The following C1GALT1 variants were observed in gnomAD, a reference collection of about 807,000 sequenced individuals.
C1GALT1 encodes the protein glycoprotein-N-acetylgalactosamine 3-beta-galactosyltransferase 1.
C1GALT1 carries 11 observed loss-of-function variants against 31.0 expected under a neutral mutation model. The observed-to-expected ratio is 0.36, with a 90% CI of 0.22 to 0.59. The LOEUF is 0.59. Ranked by LOEUF, C1GALT1 falls within the 20% of genes least tolerant of loss-of-function variation. The pLI is 0.79. For missense variants in C1GALT1, 424 were observed against 425.2 expected, an observed-to-expected ratio of 1.00 and a Z score of 0.03; for synonymous variants, 175 against 143.6, an observed-to-expected ratio of 1.22 and a Z score of -1.56.
At chr7:7,158,800 A>G (rs1350088752) in intron 2 of C1GALT1, among the ~76,000 whole-genome samples, 1 of 152,058 alleles carries the variant, frequency 6.6e-6, no homozygotes, top group Non-Finnish European at 1.5e-5. Context: ...CCTACTTGTA[A>G]TTAGATAACA....
chr7:7,234,370 A>G lies in C1GALT1; in HGVS notation c.51A>G (p.Ala17=). ...TTTTAACCTTCCTCTGTGGATCAGC[A>G]ATAGGATTTCTTTTATGTTCTCAGC... is the stretch of plus-strand genomic sequence containing the variant. ...LNFLTFLCGS[A]IGFLLCSQLF... The change falls in exon 2 of 4, where the codon GCA becomes GCG. Residue 17 remains alanine, a synonymous_variant. Transcript: ENST00000436587. The G allele has an allele frequency of 6.2e-7, 1 of 1,613,980 alleles. No individual in the cohort carries two copies. Among genetic ancestry groups the G allele is most frequent in the Non-Finnish European group, 8.5e-7 (1 of 1,179,946 alleles).
At chr7:7,171,269 T>C (rs1364934477) in intron 2 of C1GALT1, among the ~76,000 whole-genome samples, 2 of 152,138 alleles carry the variant, frequency 1.3e-5, no homozygotes, top group African/African-American at 4.8e-5. Context: ...GCTTGAAACA[T>C]TTTGGGTCTC....
chr7:7,157,772 A>G (rs1780288783), intron 2 of C1GALT1, among the ~76,000 whole-genome samples: 1 of 152,152 alleles, frequency 6.6e-6, no homozygotes, highest in African/African-American at 2.4e-5. Flanking sequence ...TTCAAATTTC[A>G]GTTTCTTCAT....
chr7:7,241,340 T>A (rs1783619621), intron 3 of C1GALT1, among the ~76,000 whole-genome samples: 1 of 152,018 alleles, frequency 6.6e-6, no homozygotes, highest in African/African-American at 2.4e-5. Context: ...TATAGTAGGA[T>A]CTAAATCTGG....
rs1780637044 is a variant in C1GALT1, at chr7:7,182,705, G to C, written c.-133G>C. On this transcript the variant is annotated 5_prime_UTR_variant, in exon 1 of 4. Transcript: ENST00000436587. ...AATCTGGGCGGCAGCGGGCGGCCTCGGCTAGCGGCCACGAGCCACTTCTGC... is the reference window on the plus strand; with the variant it reads ...AATCTGGGCGGCAGCGGGCGGCCTCCGCTAGCGGCCACGAGCCACTTCTGC... 2 of 735,048 alleles carry C rather than the reference G, an allele frequency of 2.7e-6. No homozygotes were observed. Among genetic ancestry groups the C allele is most frequent in the Non-Finnish European group, 3.3e-6 (2 of 601,136 alleles). 45.5% of individuals were successfully genotyped at this position (735,048 alleles called of 1,614,324 possible).
intron 1 of C1GALT1, among the ~76,000 whole-genome samples, chr7:7,232,654 T>G (rs1440564454): frequency 6.6e-6 from 1 of 152,138 alleles, no homozygotes; most frequent in Non-Finnish European, 1.5e-5. Context: ...AACGCCTGGC[T>G]AATTTTTGTA....
chr7:7,230,557 A>G (rs547042339), intron 1 of C1GALT1, among the ~76,000 whole-genome samples: 8 of 146,588 alleles, frequency 5.5e-5, no homozygotes, highest in African/African-American at 1.7e-4. Flanking sequence ...AATCATTGAT[A>G]TGTTTGGTTC....
At chr7:7,223,010 G>C (rs978299228) in intron 1 of C1GALT1, among the ~76,000 whole-genome samples, 3 of 151,974 alleles carry the variant, frequency 2.0e-5, no homozygotes, top group African/African-American at 7.3e-5. Context: ...CTTCTTACAA[G>C]CACATTCTCT....
chr7:7,236,071 C>T (rs1213992295), intron 2 of C1GALT1, among the ~76,000 whole-genome samples: 4 of 152,130 alleles, frequency 2.6e-5, no homozygotes, highest in Non-Finnish European at 5.9e-5. Flanking sequence ...ATCTACTGCT[C>T]TGTAGGATTT....
intron 1 of C1GALT1, among the ~76,000 whole-genome samples, chr7:7,212,347 A>G (rs1348479053): frequency 1.3e-5 from 2 of 152,190 alleles, no homozygotes; most frequent in Non-Finnish European, 2.9e-5. Flanking sequence ...GATTCCTTAA[A>G]GGGAAACACA....
chr7:7,241,040 T>C (rs1349102471), intron 3 of C1GALT1, among the ~76,000 whole-genome samples: 3 of 152,044 alleles, frequency 2.0e-5, no homozygotes, highest in African/African-American at 7.2e-5. Context: ...AATAGACTTT[T>C]CACCAGAGAA....
chr7:7,162,982 T>C (rs992773027), intron 2 of C1GALT1, among the ~76,000 whole-genome samples: 1 of 152,202 alleles, frequency 6.6e-6, no homozygotes, highest in Non-Finnish European at 1.5e-5. Context: ...TTCTTGTAAA[T>C]TTGTTTGAGT....
chr7:7,244,945 G>A lies in C1GALT1; in HGVS notation c.*1218G>A, dbSNP rs1331882420. Reference sequence around the variant, plus strand: ...ATTTTGGGATAATTGTTTTGCTAATGGATAATTCTAACAATGCAGAATACC... The same window carrying A: ...ATTTTGGGATAATTGTTTTGCTAATAGATAATTCTAACAATGCAGAATACC... On this transcript the variant is annotated 3_prime_UTR_variant, in exon 4 of 4. Coordinates refer to ENST00000436587, the MANE Select transcript of C1GALT1 (RefSeq NM_020156.5). 6 of 152,140 alleles carry A rather than the reference G, an allele frequency of 3.9e-5. No individual in the cohort carries two copies. Among genetic ancestry groups the A allele is most frequent in the African/African-American group, 9.7e-5 (4 of 41,444 alleles). 9.4% of individuals were successfully genotyped at this position (152,140 alleles called of 1,614,324 possible). A position where few individuals can be genotyped will look rare whatever the true frequency, so the allele number is the denominator to read the frequency against.
At chr7:7,171,442 C>G (rs1218985012) in intron 2 of C1GALT1, among the ~76,000 whole-genome samples, 1 of 151,996 alleles carries the variant, frequency 6.6e-6, no homozygotes. Flanking sequence ...CTTTTGGTTA[C>G]TATTTGGATG....
In C1GALT1 at chr7:7,207,335, C is replaced by CTTTTTTTTTTTT. The variant is rs57510429; in HGVS notation, c.-18+24534_-18+24545dup. On this transcript the variant is annotated intron_variant, in intron 1 of 3. Transcript: ENST00000436587. Reference sequence around the variant, plus strand: ...TCTCTGTGTTTCTCTTACTCTGTTGCTTTTTTTTTTTTTTTTTTTTTTTTT... The same window carrying CTTTTTTTTTTTT: ...TCTCTGTGTTTCTCTTACTCTGTTGCTTTTTTTTTTTTTTTTTTTTTTTTTTTTTTTTTTTTT... Among the ~76,000 whole-genome samples the CTTTTTTTTTTTT allele has an allele frequency of 3.4e-3, 162 of 48,006 alleles. 67 individuals are homozygous for CTTTTTTTTTTTT. The highest frequency in any genetic ancestry group is 4.9e-3 in the Non-Finnish European group (127 of 26,070). The allele number at this position is 48,006 out of a possible 152,430, so 31.5% of individuals were successfully genotyped here.
At chr7:7,228,248 CAATG>C (rs1782892686) in intron 1 of C1GALT1, among the ~76,000 whole-genome samples, 2 of 152,066 alleles carry the variant, frequency 1.3e-5, no homozygotes, top group South Asian at 2.1e-4. Flanking sequence ...CCTTTTTTAA[CAATG>C]AATAGCATAA....
chr7:7,175,456 G>A (rs1209123969), intron 2 of C1GALT1, among the ~76,000 whole-genome samples: 12 of 152,180 alleles, frequency 7.9e-5, no homozygotes, highest in African/African-American at 1.4e-4. Flanking sequence ...AAATTCCCAC[G>A]TATATATGGT....
intron 2 of C1GALT1, among the ~76,000 whole-genome samples, chr7:7,161,719 A>T (rs945130963): frequency 1.3e-5 from 2 of 152,106 alleles, no homozygotes; most frequent in East Asian, 1.9e-4. Flanking sequence ...CATGTTTTCT[A>T]ATACTTCATA....
chr7:7,240,363 C>T (rs1783570141), intron 3 of C1GALT1, among the ~76,000 whole-genome samples: 3 of 152,112 alleles, frequency 2.0e-5, no homozygotes, highest in Admixed American at 2.0e-4. Flanking sequence ...AACATCTGAC[C>T]CAAGCTTTAG....
Sources: allele counts gnomAD v4.1 joint callset (sites outside exome capture counted in the v4.1 genomes callset), GRCh38; gene constraint gnomAD v4.1.1; transcripts MANE v1.5; gene names NCBI Gene and HGNC (gene_info 2026-07-23, HGNC 2026-07-21).